Variants in LRBA observed in about 807,000 individuals in gnomAD.
LRBA encodes lipopolysaccharide-responsive and beige-like anchor protein.
A neutral mutation model predicts 330.0 loss-of-function variants in LRBA; 176 were observed. That is an observed-to-expected ratio of 0.53 (90% CI 0.47 to 0.60). The LOEUF (loss-of-function observed/expected upper bound fraction) is 0.60. Ranked by LOEUF, LRBA falls within the 20% of genes least tolerant of loss-of-function variation. The probability of loss-of-function intolerance (pLI) is 0.00; values close to 1 mark genes in which losing one functional copy is unlikely to be tolerated. For missense variants in LRBA, 3,259 were observed against 3,444.8 expected (o/e 0.95, Z 1.35); for synonymous variants, 1,230 against 1,193.0 (o/e 1.03, Z -0.64).
intron 37 of LRBA, among the ~76,000 whole-genome samples, chr4:150,681,263 TTTA>T (rs1334993611): frequency 6.6e-6 from 1 of 152,222 alleles, no homozygotes; most frequent in Non-Finnish European, 1.5e-5. Flanking sequence ...GTTATTCCCA[TTTA>T]TTACAACCAT....
intron 40 of LRBA, among the ~76,000 whole-genome samples, chr4:150,516,526 C>T (rs907843535): frequency 3.0e-4 from 45 of 151,376 alleles, no homozygotes; most frequent in Admixed American, 1.6e-3. Flanking sequence ...TCTGAAAAAG[C>T]TATTTCATGA....
chr4:150,523,918 A>T (rs1254479195), intron 40 of LRBA, among the ~76,000 whole-genome samples: 1 of 151,932 alleles, frequency 6.6e-6, no homozygotes, highest in Non-Finnish European at 1.5e-5. Flanking sequence ...TTTCTCCTGG[A>T]TTAGAACCAT....
At chr4:150,408,899 C>G (rs922798452) in intron 47 of LRBA, among the ~76,000 whole-genome samples, 1 of 151,870 alleles carries the variant, frequency 6.6e-6, no homozygotes, top group Non-Finnish European at 1.5e-5. Flanking sequence ...AATATACTTT[C>G]ATTTTGTTTG....
At chr4:150,528,569 T>C (rs186712230) in intron 40 of LRBA, among the ~76,000 whole-genome samples, 1 of 152,174 alleles carries the variant, frequency 6.6e-6, no homozygotes, top group African/African-American at 2.4e-5. Flanking sequence ...TTAAAGGTCT[T>C]AAGTTTTTTT....
At chr4:150,404,117 G>T (rs1745858315) in intron 47 of LRBA, among the ~76,000 whole-genome samples, 1 of 152,124 alleles carries the variant, frequency 6.6e-6, no homozygotes, top group Non-Finnish European at 1.5e-5. Flanking sequence ...ATCATGAGCA[G>T]CCACTGTGCC....
At chr4:150,655,281 T>C (rs1271821655) in intron 37 of LRBA, among the ~76,000 whole-genome samples, 2 of 152,248 alleles carry the variant, frequency 1.3e-5, no homozygotes, top group African/African-American at 2.4e-5. Context: ...TCTACCTTGT[T>C]TTGTTCATTT....
At chr4:150,380,633 G>A (rs1236792001) in intron 47 of LRBA, among the ~76,000 whole-genome samples, 1 of 151,980 alleles carries the variant, frequency 6.6e-6, no homozygotes, top group African/African-American at 2.4e-5. Flanking sequence ...AAAAGGAAAA[G>A]AAGATGTCTA....
intron 28 of LRBA, among the ~76,000 whole-genome samples, chr4:150,836,894 C>A (rs191879844): frequency 6.6e-6 from 1 of 152,252 alleles, no homozygotes; most frequent in Non-Finnish European, 1.5e-5. Flanking sequence ...GTTAGGGTGT[C>A]AATTTTAGAT....
intron 47 of LRBA, among the ~76,000 whole-genome samples, chr4:150,401,214 T>A (rs528166796): frequency 1.3e-5 from 2 of 152,326 alleles, no homozygotes; most frequent in East Asian, 1.9e-4. Flanking sequence ...AGCGGGAGAA[T>A]GGCCCTGCTG....
At chr4:150,382,885 C>T (rs1001185575) in intron 47 of LRBA, among the ~76,000 whole-genome samples, 1 of 152,152 alleles carries the variant, frequency 6.6e-6, no homozygotes, top group African/African-American at 2.4e-5. Flanking sequence ...TAAGGACAAA[C>T]AACCTTCTGA....
chr4:150,572,454 C>T (rs1247971033), intron 40 of LRBA, among the ~76,000 whole-genome samples: 1 of 152,006 alleles, frequency 6.6e-6, no homozygotes, highest in Non-Finnish European at 1.5e-5. Context: ...CAAAACTGTA[C>T]CATAATAACC....
intron 4 of LRBA, among the ~76,000 whole-genome samples, chr4:150,923,759 A>G (rs1335556740): frequency 6.6e-6 from 1 of 152,216 alleles, no homozygotes; most frequent in African/African-American, 2.4e-5. Flanking sequence ...AGTGTGGGGC[A>G]TTCCTCCTTG....
intron 46 of LRBA, among the ~76,000 whole-genome samples, chr4:150,419,062 A>G (rs1748201603): frequency 6.6e-6 from 1 of 152,182 alleles, no homozygotes; most frequent in Non-Finnish European, 1.5e-5. Context: ...ATGCCCATAC[A>G]GTGCCTCTAT....
chr4:150,528,326 T>C (rs925480885), intron 40 of LRBA, among the ~76,000 whole-genome samples: 3 of 151,866 alleles, frequency 2.0e-5, no homozygotes, highest in Middle Eastern at 3.2e-3. Flanking sequence ...AGTGGAACCC[T>C]GTCTCTACTA....
At chr4:150,734,735 T>C (rs1730964095) in intron 36 of LRBA, among the ~76,000 whole-genome samples, 1 of 152,178 alleles carries the variant, frequency 6.6e-6, no homozygotes. Flanking sequence ...GATGAGTTTA[T>C]CACTTAGTCC....
intron 56 of LRBA, among the ~76,000 whole-genome samples, chr4:150,272,490 T>G (rs1359740005): frequency 1.3e-5 from 2 of 151,788 alleles, no homozygotes; most frequent in East Asian, 3.9e-4. Flanking sequence ...AGAAGTAGGC[T>G]TCAGAAGGTG....
chr4:150,538,639 G>C (rs190239471), intron 40 of LRBA, among the ~76,000 whole-genome samples: 53 of 152,054 alleles, frequency 3.5e-4, no homozygotes, highest in Non-Finnish European at 6.5e-4. Flanking sequence ...ACTACTAAAG[G>C]GGGGAGATGG....
chr4:150,702,791 A>G (rs1373855315), intron 36 of LRBA, among the ~76,000 whole-genome samples: 1 of 152,104 alleles, frequency 6.6e-6, no homozygotes, highest in East Asian at 1.9e-4. Flanking sequence ...CTCAACCCTT[A>G]AAAAAAATCC....
chr4:150,779,628 G>A lies in LRBA; in HGVS notation c.5581-17781C>T, dbSNP rs555876453. ...TGAATGTCTAGACACTTTTTAACTC[G>A]AGAGAAAATCATTATTTATTAAGTT... On this transcript the variant is annotated intron_variant, in intron 34 of 56. Coordinates refer to ENST00000651943, the MANE Select transcript of LRBA (RefSeq NM_001364905.1). Among the ~76,000 whole-genome samples, 291 of 151,926 alleles carry A rather than the reference G, an allele frequency of 1.9e-3. 1 individual carries two copies. Among genetic ancestry groups the A allele is most frequent in the African/African-American group, 4.5e-3 (185 of 41,492 alleles).
Sources: allele counts gnomAD v4.1 joint callset (sites outside exome capture counted in the v4.1 genomes callset), GRCh38; gene constraint gnomAD v4.1.1; transcripts MANE v1.5; gene names NCBI Gene and HGNC (gene_info 2026-07-23, HGNC 2026-07-21).